CPEB3: variants seen among roughly 807,000 people sequenced by gnomAD.
CPEB3 encodes cytoplasmic polyadenylation element-binding protein 3.
A neutral mutation model predicts 67.2 loss-of-function variants in CPEB3; 20 were observed. That is an observed-to-expected ratio of 0.30 (90% CI 0.21 to 0.43). CPEB3 has a LOEUF of 0.43. CPEB3 is among the 20% of genes least tolerant of loss of function. CPEB3 has a pLI of 1.00. For synonymous variants in CPEB3, 376 were observed against 393.1 expected, an observed-to-expected ratio of 0.96 and a Z score of 0.51; for missense variants, 746 against 968.6, an observed-to-expected ratio of 0.77 and a Z score of 3.05.
chr10:92,060,857 G>A (rs182161779), intron 9 of CPEB3, among the ~76,000 whole-genome samples: 46 of 152,242 alleles, frequency 3.0e-4, no homozygotes, highest in African/African-American at 9.6e-4. Flanking sequence ...CAAAAGACAG[G>A]CAATAGCAAA....
At chr10:92,119,041 G>C (rs1845190929) in intron 6 of CPEB3, 5 of 1,561,336 alleles carry the variant, frequency 3.2e-6, no homozygotes, top group Admixed American at 1.7e-5. Context: ...ATCATACCTG[G>C]AATGGGGTCT....
chr10:92,188,345 A>C (rs1427228301), intron 3 of CPEB3, among the ~76,000 whole-genome samples: 2 of 149,494 alleles, frequency 1.3e-5, no homozygotes, highest in African/African-American at 2.4e-5. Context: ...AAAAAAAAAA[A>C]AAAAAAACCC....
intron 4 of CPEB3, among the ~76,000 whole-genome samples, chr10:92,150,140 C>A (rs1334280851): frequency 6.6e-6 from 1 of 152,188 alleles, no homozygotes; most frequent in Non-Finnish European, 1.5e-5. Context: ...CGCAGACCGA[C>A]AGGCGATATG....
intron 4 of CPEB3, among the ~76,000 whole-genome samples, chr10:92,161,565 G>A (rs1215303710): frequency 2.6e-5 from 4 of 151,932 alleles, no homozygotes; most frequent in Non-Finnish European, 5.9e-5. Context: ...GAGCCACCGC[G>A]CCCAGTGGCT....
At chr10:92,136,490 A>G (rs1482036220) in intron 6 of CPEB3, among the ~76,000 whole-genome samples, 3 of 152,076 alleles carry the variant, frequency 2.0e-5, no homozygotes, top group African/African-American at 4.8e-5. Context: ...ACTCAATAGG[A>G]AAAAAAACTA....
chr10:92,056,518 G>A (rs145508459), intron 9 of CPEB3, among the ~76,000 whole-genome samples: 3 of 152,102 alleles, frequency 2.0e-5, no homozygotes, highest in African/African-American at 4.8e-5. Context: ...GAATAGTCCC[G>A]AATCACCACA....
At chr10:92,053,067 T>C (rs1480250704) in intron 9 of CPEB3, among the ~76,000 whole-genome samples, 2 of 152,182 alleles carry the variant, frequency 1.3e-5, no homozygotes, top group African/African-American at 2.4e-5. Context: ...CACCCCAACA[T>C]TGCATACCAT....
intron 9 of CPEB3, among the ~76,000 whole-genome samples, chr10:92,064,448 T>C (rs1371334266): frequency 6.6e-6 from 1 of 152,208 alleles, no homozygotes; most frequent in African/African-American, 2.4e-5. Context: ...TGGGGTAAAC[T>C]ACTGGACACA....
chr10:92,153,788 AAAAAAC>A (rs572095407), intron 4 of CPEB3, among the ~76,000 whole-genome samples: 4 of 152,218 alleles, frequency 2.6e-5, no homozygotes, highest in Non-Finnish European at 4.4e-5. Flanking sequence ...CTCAAAAAGC[AAAAAAC>A]AAAAACAAAA....
chr10:92,287,367 C>T (rs1842580256), intron 1 of CPEB3, among the ~76,000 whole-genome samples: 1 of 152,110 alleles, frequency 6.6e-6, no homozygotes, highest in African/African-American at 2.4e-5. Context: ...ATAATCTAGA[C>T]TTTTTTCCTT....
intron 7 of CPEB3, among the ~76,000 whole-genome samples, chr10:92,110,435 C>A (rs143144423): frequency 6.6e-6 from 1 of 152,346 alleles, no homozygotes; most frequent in East Asian, 1.9e-4. Context: ...TGCCCCTTCT[C>A]CACTGATAGC....
chr10:92,084,886 TA>T (rs1192826976), intron 8 of CPEB3, among the ~76,000 whole-genome samples: 3 of 152,150 alleles, frequency 2.0e-5, no homozygotes, highest in Non-Finnish European at 4.4e-5. Flanking sequence ...GCCTCATCTG[TA>T]TTTTAACTAC....
chr10:92,144,867 C>T, intron 5 of CPEB3, 78 bp downstream of exon 5: 1 of 1,338,082 alleles, frequency 7.5e-7, no homozygotes, highest in South Asian at 1.2e-5. Context: ...CTAAAGTTGA[C>T]TTGGAGAGGA....
intron 1 of CPEB3, among the ~76,000 whole-genome samples, chr10:92,273,857 T>C (rs1841854622): frequency 1.3e-5 from 2 of 152,164 alleles, no homozygotes; most frequent in South Asian, 4.1e-4. Flanking sequence ...CTTTTACATA[T>C]ACTCCTCCTT....
At chr10:92,257,301 ATTTT>A (rs1852558215) in intron 1 of CPEB3, among the ~76,000 whole-genome samples, 1 of 152,024 alleles carries the variant, frequency 6.6e-6, no homozygotes, top group South Asian at 2.1e-4. Flanking sequence ...CAAATTATTT[ATTTT>A]ATTTTTTTTT....
chr10:92,093,430 A>C (rs1843706709), intron 7 of CPEB3, among the ~76,000 whole-genome samples: 1 of 152,080 alleles, frequency 6.6e-6, no homozygotes, highest in Admixed American at 6.5e-5. Context: ...GAAAGGTAGC[A>C]CCTGTGGCAA....
intron 2 of CPEB3, among the ~76,000 whole-genome samples, chr10:92,215,873 C>T (rs956267895): frequency 6.6e-6 from 1 of 150,732 alleles, no homozygotes; most frequent in Non-Finnish European, 1.5e-5. Flanking sequence ...CTCAGCCTCC[C>T]GAGTAGGCTG....
intron 2 of CPEB3, among the ~76,000 whole-genome samples, chr10:92,223,498 TCC>T (rs1850796596): frequency 6.8e-6 from 1 of 147,312 alleles, no homozygotes. Flanking sequence ...CATTCTAGAC[TCC>T]TCCTTCTCTT....
intron 7 of CPEB3, among the ~76,000 whole-genome samples, chr10:92,104,503 C>T (rs1466335348): frequency 6.6e-6 from 1 of 151,648 alleles, no homozygotes; most frequent in African/African-American, 2.4e-5. Context: ...TCTCCTGCCT[C>T]AGCCTCCTGA....
Sources: allele counts gnomAD v4.1 joint callset (sites outside exome capture counted in the v4.1 genomes callset), GRCh38; gene constraint gnomAD v4.1.1; transcripts MANE v1.5; gene names NCBI Gene and HGNC (gene_info 2026-07-23, HGNC 2026-07-21).